Variants in SLC38A1 observed in about 807,000 individuals in gnomAD.
SLC38A1 encodes the protein solute carrier family 38 member 1, also known as sodium-coupled neutral amino acid symporter 1.
SLC38A1 carries 18 observed loss-of-function variants against 60.3 expected under a neutral mutation model. The observed-to-expected ratio is 0.30, with a 90% CI of 0.21 to 0.44. The LOEUF is 0.44. SLC38A1 is among the 20% of genes least tolerant of loss of function. The probability of loss-of-function intolerance (pLI) is 1.00; values close to 1 mark genes in which losing one functional copy is unlikely to be tolerated. For missense variants in SLC38A1, 448 were observed against 587.2 expected, an observed-to-expected ratio of 0.76 and a Z score of 2.45; for synonymous variants, 196 against 212.1, an observed-to-expected ratio of 0.92 and a Z score of 0.66.
At chr12:46,229,533 A>G in intron 4 of SLC38A1, 31 bp downstream of exon 4, 1 of 1,525,026 alleles carries the variant, frequency 6.6e-7, no homozygotes, top group African/African-American at 1.4e-5. Context: ...TGATTAAAAA[A>G]ATAAGCATAC....
At chr12:46,255,412 T>C (rs1340527168) in intron 1 of SLC38A1, among the ~76,000 whole-genome samples, 1 of 152,218 alleles carries the variant, frequency 6.6e-6, no homozygotes, top group African/African-American at 2.4e-5. Context: ...TAATACCCCT[T>C]TAGTTTTAGC....
chr12:46,196,141 T>C, intron 16 of SLC38A1: 1 of 1,535,912 alleles, frequency 6.5e-7, no homozygotes, highest in Non-Finnish European at 8.7e-7. Context: ...TACAGATTAC[T>C]AAATCCAGAA....
intron 1 of SLC38A1, among the ~76,000 whole-genome samples, chr12:46,263,560 C>A (rs1280972637): frequency 6.6e-6 from 1 of 152,138 alleles, no homozygotes; most frequent in East Asian, 1.9e-4. Context: ...AAAACCGGTT[C>A]AATAAATTAA....
At chr12:46,194,833 C>CT (rs371404721) in intron 16 of SLC38A1, among the ~76,000 whole-genome samples, 17 of 150,508 alleles carry the variant, frequency 1.1e-4, no homozygotes, top group South Asian at 4.2e-4. Context: ...TTCATCTAAC[C>CT]TTTTTTTTTT....
At chr12:46,252,223 C>T (rs1941869290) in intron 1 of SLC38A1, among the ~76,000 whole-genome samples, 1 of 152,140 alleles carries the variant, frequency 6.6e-6, no homozygotes, top group African/African-American at 2.4e-5. Context: ...TCATTCTCAG[C>T]AAACTCTCAC....
intron 1 of SLC38A1, among the ~76,000 whole-genome samples, chr12:46,258,854 A>G (rs952521865): frequency 3.3e-5 from 5 of 152,152 alleles, no homozygotes; most frequent in African/African-American, 4.8e-5. Flanking sequence ...GGGTTTCACT[A>G]TGTTGGCCAG....
chr12:46,203,221 G>T, intron 11 of SLC38A1, 132 bp from the exon 12 acceptor site: 1 of 738,290 alleles, frequency 1.4e-6, no homozygotes, highest in African/African-American at 1.8e-5. Context: ...TATTAGGGAG[G>T]TTTTGATCTC....
chr12:46,229,995 C>T lies in SLC38A1; in HGVS notation c.123-356G>A, dbSNP rs1399483323. Among the ~76,000 whole-genome samples, 7 of 152,150 alleles carry T rather than the reference C, an allele frequency of 4.6e-5. No individual in the cohort carries two copies. In the East Asian group the frequency reaches 1.3e-3, roughly 29 times the overall value. ...TCAAAAACAGCTATACATTTTGAAT[C>T]ATTTTAATAATAAATTTAAACACTA... On this transcript the variant is annotated intron_variant, in intron 3 of 16. Transcript: ENST00000398637.
intron 1 of SLC38A1, among the ~76,000 whole-genome samples, chr12:46,249,234 T>C (rs1941746542): frequency 6.6e-6 from 1 of 150,772 alleles, no homozygotes. Flanking sequence ...CCTGAATGAC[T>C]ACTGGGTAAA....
At chr12:46,189,193 C>A in intron 16 of SLC38A1, 122 bp from the exon 17 acceptor site, 1 of 662,354 alleles carries the variant, frequency 1.5e-6, no homozygotes, top group South Asian at 1.8e-5. Flanking sequence ...CAGAGTTTGT[C>A]ACAACCATGG....
rs540928185 is a variant in SLC38A1 at position 46,257,408 on chromosome 12, C to T, written c.-209+11118G>A. ...CTCTAACCCATTTGGGTGTCCTTGT[C>T]TTTTATCAAGAGGAGGCTTTAACCC... On this transcript the variant is annotated intron_variant, in intron 1 of 16. Transcript: ENST00000398637. 6.0e-4 allele frequency among the ~76,000 whole-genome samples: 92 copies of T among 152,244 alleles called. No homozygotes were observed. In the South Asian group the frequency reaches 0.016, roughly 26 times the overall value.
chr12:46,220,593 A>G (rs1341964054), intron 5 of SLC38A1, among the ~76,000 whole-genome samples: 1 of 152,226 alleles, frequency 6.6e-6, no homozygotes, highest in African/African-American at 2.4e-5. Context: ...CACAGAGGAG[A>G]TGACTTACCA....
chr12:46,206,378 T>C (rs1361529288), intron 8 of SLC38A1, among the ~76,000 whole-genome samples: 2 of 139,624 alleles, frequency 1.4e-5, no homozygotes, highest in Admixed American at 6.8e-5. Flanking sequence ...GAGGGAATAT[T>C]GGTTTTTTTT....
At chr12:46,251,213 T>C (rs1367684301) in intron 1 of SLC38A1, among the ~76,000 whole-genome samples, 1 of 152,204 alleles carries the variant, frequency 6.6e-6, no homozygotes, top group African/African-American at 2.4e-5. Context: ...CATCTGATCT[T>C]TGACAAACCT....
At chr12:46,240,912 T>C (rs1941423155) in intron 2 of SLC38A1, among the ~76,000 whole-genome samples, 1 of 152,038 alleles carries the variant, frequency 6.6e-6, no homozygotes. Context: ...GGATCACCCA[T>C]AGTAAGTAGG....
intron 8 of SLC38A1, among the ~76,000 whole-genome samples, 155 bp downstream of exon 8, chr12:46,207,000 T>C (rs1015718300): frequency 1.3e-5 from 2 of 152,206 alleles, no homozygotes; most frequent in South Asian, 2.1e-4. Flanking sequence ...TTTTCCTTTA[T>C]ATAGCCCCAA....
At chr12:46,231,503 G>C (rs182200583) in intron 3 of SLC38A1, among the ~76,000 whole-genome samples, 1 of 152,160 alleles carries the variant, frequency 6.6e-6, no homozygotes, top group Non-Finnish European at 1.5e-5. Context: ...ATATGTTAAG[G>C]ATGCTTTTTG....
chr12:46,236,724 A>G (rs948532040), intron 3 of SLC38A1, among the ~76,000 whole-genome samples: 2 of 152,196 alleles, frequency 1.3e-5, no homozygotes, highest in African/African-American at 4.8e-5. Flanking sequence ...AGAAGTTCAC[A>G]TTTAGAGGAA....
chr12:46,201,498 C>T (rs1440035762), intron 12 of SLC38A1, among the ~76,000 whole-genome samples: 2 of 152,110 alleles, frequency 1.3e-5, no homozygotes, highest in Non-Finnish European at 2.9e-5. Flanking sequence ...TTGATATTAT[C>T]TCCACACTAG....
Sources: gnomAD v4.1 joint callset for allele counts (sites outside exome capture counted in the v4.1 genomes callset) on GRCh38, gnomAD v4.1.1 for gene constraint, MANE v1.5 for transcripts, NCBI Gene and HGNC (gene_info 2026-07-23, HGNC 2026-07-21) for gene names.